The following DNM3 variants were observed in gnomAD, a reference collection of about 807,000 sequenced individuals.
DNM3 encodes the protein dynamin-3.
DNM3 carries 47 observed loss-of-function variants against 101.6 expected under a neutral mutation model. The ratio of observed to expected loss-of-function variants is 0.46; its 90% confidence interval spans 0.37 to 0.59. The LOEUF is 0.59. Among genes scored for constraint, DNM3 ranks in the 20% least tolerant of loss-of-function variants. The pLI is 0.00. For missense variants in DNM3, 849 were observed against 1,085.7 expected, an observed-to-expected ratio of 0.78 and a Z score of 3.06; for synonymous variants, 385 against 387.9, an observed-to-expected ratio of 0.99 and a Z score of 0.09.
At chr1:172,240,079 G>A (rs571038047) in intron 14 of DNM3, among the ~76,000 whole-genome samples, 2 of 152,072 alleles carry the variant, frequency 1.3e-5, no homozygotes, top group South Asian at 4.2e-4. Context: ...TGGAACACAG[G>A]GAGAAGGGCT....
chr1:172,369,012 C>T (rs760606805), intron 17 of DNM3, among the ~76,000 whole-genome samples: 6 of 151,808 alleles, frequency 4.0e-5, no homozygotes, highest in Non-Finnish European at 7.4e-5. Context: ...CAAAGAAAAG[C>T]CCAGGACCAA....
intron 10 of DNM3, among the ~76,000 whole-genome samples, chr1:172,068,293 A>T (rs1409248600): frequency 6.6e-6 from 1 of 152,132 alleles, no homozygotes; most frequent in Non-Finnish European, 1.5e-5. Flanking sequence ...GCGCCATTGC[A>T]CTCCAGCCTG....
At chr1:172,202,170 C>G (rs2060178266) in intron 14 of DNM3, among the ~76,000 whole-genome samples, 1 of 152,144 alleles carries the variant, frequency 6.6e-6, no homozygotes. Flanking sequence ...CTAGCTACTT[C>G]TAGTAAGCCA....
chr1:172,192,151 T>G (rs2059751440), intron 14 of DNM3, among the ~76,000 whole-genome samples: 1 of 152,110 alleles, frequency 6.6e-6, no homozygotes, highest in Non-Finnish European at 1.5e-5. Flanking sequence ...TAGCTCTTAT[T>G]ATTTTGAGAT....
chr1:172,248,127 A>G (rs1340433296), intron 14 of DNM3, among the ~76,000 whole-genome samples: 1 of 152,062 alleles, frequency 6.6e-6, no homozygotes, highest in Non-Finnish European at 1.5e-5. Context: ...CAGTACATTT[A>G]TGTGTTAAAG....
At chr1:172,299,303 G>A (rs2064323527) in intron 15 of DNM3, among the ~76,000 whole-genome samples, 1 of 152,170 alleles carries the variant, frequency 6.6e-6, no homozygotes, top group African/African-American at 2.4e-5. Context: ...AGGGAGTGTG[G>A]CCTTTTTCCT....
chr1:172,241,474 ATAT>A (rs1367592902), intron 14 of DNM3, among the ~76,000 whole-genome samples: 1 of 152,020 alleles, frequency 6.6e-6, no homozygotes, highest in African/African-American at 2.4e-5. Flanking sequence ...TGTTGACTAG[ATAT>A]TATTATACTA....
intron 4 of DNM3, among the ~76,000 whole-genome samples, chr1:172,026,295 A>AT (rs1347462622): frequency 6.6e-6 from 1 of 152,192 alleles, no homozygotes; most frequent in East Asian, 1.9e-4. Flanking sequence ...CCTCCAAGAA[A>AT]TATGGGGCTA....
intron 1 of DNM3, among the ~76,000 whole-genome samples, chr1:171,854,294 C>T (rs991245665): frequency 2.0e-5 from 3 of 152,082 alleles, no homozygotes; most frequent in African/African-American, 4.8e-5. Context: ...CTCATTGGTA[C>T]AATGGGACAA....
chr1:171,936,634 T>G (rs967047341), intron 2 of DNM3, among the ~76,000 whole-genome samples: 1 of 152,216 alleles, frequency 6.6e-6, no homozygotes, highest in African/African-American at 2.4e-5. Context: ...CTTCCTTTCA[T>G]GGATGTTAAA....
chr1:172,310,383 A>T (rs1177923291), intron 16 of DNM3: 1 of 152,236 alleles, frequency 6.6e-6, no homozygotes, highest in Non-Finnish European at 1.5e-5. Flanking sequence ...AATAGCAATA[A>T]AGTCCTGCCC....
At chr1:172,112,088 G>A (rs375756007) in intron 13 of DNM3, among the ~76,000 whole-genome samples, 2 of 152,062 alleles carry the variant, frequency 1.3e-5, no homozygotes, top group South Asian at 2.1e-4. Context: ...CAGTGTGTTA[G>A]GTGCTTTGTT....
At chr1:172,347,856 A>G (rs1232371667) in intron 17 of DNM3, among the ~76,000 whole-genome samples, 1 of 152,216 alleles carries the variant, frequency 6.6e-6, no homozygotes, top group Non-Finnish European at 1.5e-5. Context: ...AGTAAATTGT[A>G]GTATATTTAC....
At chr1:172,151,298 C>T (rs1486782466) in intron 14 of DNM3, among the ~76,000 whole-genome samples, 1 of 152,106 alleles carries the variant, frequency 6.6e-6, no homozygotes, top group Admixed American at 6.5e-5. Flanking sequence ...AGCTTCATAG[C>T]AATAGTTAAA....
At chr1:171,944,446 G>C (rs924329122) in intron 2 of DNM3, among the ~76,000 whole-genome samples, 1 of 150,448 alleles carries the variant, frequency 6.6e-6, no homozygotes, top group South Asian at 2.1e-4. Context: ...CGGGATCTCA[G>C]CTCACTGCAA....
At chr1:172,134,338 G>C (rs1481441707) in intron 14 of DNM3, among the ~76,000 whole-genome samples, 1 of 152,134 alleles carries the variant, frequency 6.6e-6, no homozygotes, top group Admixed American at 6.5e-5. Flanking sequence ...ATAATGACTA[G>C]GGGGAATGCT....
At chr1:172,369,119 T>C (rs924880817) in intron 17 of DNM3, among the ~76,000 whole-genome samples, 1 of 151,702 alleles carries the variant, frequency 6.6e-6, no homozygotes. Context: ...TTTTTCAAAC[T>C]CATTCCATGA....
intron 1 of DNM3, among the ~76,000 whole-genome samples, chr1:171,863,679 G>A (rs1219341440): frequency 2.0e-5 from 3 of 152,052 alleles, no homozygotes; most frequent in African/African-American, 7.2e-5. Flanking sequence ...TATGCACTGG[G>A]GTGTGCAGTC....
At chr1:172,232,486 G>A (rs2061377337) in intron 14 of DNM3, among the ~76,000 whole-genome samples, 1 of 152,100 alleles carries the variant, frequency 6.6e-6, no homozygotes, top group African/African-American at 2.4e-5. Context: ...CAACGAGACA[G>A]AAAGTTAACA....
Sources: gnomAD v4.1 joint callset for allele counts (sites outside exome capture counted in the v4.1 genomes callset) on GRCh38, gnomAD v4.1.1 for gene constraint, MANE v1.5 for transcripts, NCBI Gene and HGNC (gene_info 2026-07-23, HGNC 2026-07-21) for gene names.